Variants in GATAD2A observed in about 807,000 individuals in gnomAD.
The protein encoded by GATAD2A is GATA zinc finger domain containing 2A.
GATAD2A carries 12 observed loss-of-function variants against 68.5 expected under a neutral mutation model. The ratio of observed to expected loss-of-function variants is 0.18; its 90% CI spans 0.11 to 0.28. The LOEUF (loss-of-function observed/expected upper bound fraction) is 0.28, where lower values mean the gene tolerates loss of function less well. GATAD2A is among the 10% of genes least tolerant of loss of function. The pLI, the probability that GATAD2A is intolerant of heterozygous loss-of-function variation, is 1.00. For missense variants in GATAD2A, 755 were observed against 868.5 expected (o/e 0.87, Z 1.64); for synonymous variants, 410 against 375.3 (o/e 1.09, Z -1.07).
Position 19,498,794 on chromosome 19 carries a change from C to T in GATAD2A, c.1204+72C>T, listed in dbSNP as rs139378151. ...AGGGTGCTGCCCCGTGGGTTCTTTC[C>T]AACACACAGCAGAGGCTGGGGCAGG... On this transcript the variant is annotated intron_variant, in intron 8 of 11. Transcript: ENST00000683918. 4.7e-4 allele frequency: 624 copies of T among 1,333,714 alleles called. 8 individuals carry two copies. In the East Asian group the frequency reaches 0.01, roughly 22 times the overall value. The allele number at this position is 1,333,714 out of a possible 1,614,324, so 82.6% of individuals were successfully genotyped here. A position where few individuals can be genotyped will look rare whatever the true frequency, so the allele number is the denominator to read the frequency against.
intron 2 of GATAD2A, among the ~76,000 whole-genome samples, chr19:19,485,253 C>G (rs1161264806): frequency 6.6e-6 from 1 of 152,228 alleles, no homozygotes; most frequent in Non-Finnish European, 1.5e-5. Flanking sequence ...CCCCAGGGGC[C>G]AGCCTGGGCC....
At chr19:19,408,617 T>C (rs956064599) in intron 1 of GATAD2A, among the ~76,000 whole-genome samples, 10 of 152,210 alleles carry the variant, frequency 6.6e-5, no homozygotes, top group Admixed American at 3.3e-4. Flanking sequence ...TTTTGCATCA[T>C]TTATTTTCTG....
intron 2 of GATAD2A, among the ~76,000 whole-genome samples, chr19:19,473,761 C>A (rs1439285268): frequency 6.8e-6 from 1 of 147,896 alleles, no homozygotes; most frequent in Admixed American, 6.8e-5. Context: ...CATGGTGAAA[C>A]CCCGTCTCTA....
chr19:19,447,636 G>A (rs182441627), intron 1 of GATAD2A, among the ~76,000 whole-genome samples: 1 of 152,210 alleles, frequency 6.6e-6, no homozygotes, highest in Non-Finnish European at 1.5e-5. Context: ...ACGGGCTGGG[G>A]CTGCGTTGAG....
intron 2 of GATAD2A, among the ~76,000 whole-genome samples, chr19:19,477,587 A>G (rs1160873969): frequency 6.6e-6 from 1 of 152,138 alleles, no homozygotes; most frequent in East Asian, 1.9e-4. Flanking sequence ...CTGAAGGTAC[A>G]CGGTGGTAGG....
intron 1 of GATAD2A, among the ~76,000 whole-genome samples, chr19:19,437,229 A>C (rs925574892): frequency 6.6e-6 from 1 of 152,174 alleles, no homozygotes; most frequent in Non-Finnish European, 1.5e-5. Context: ...TCCTGGGCTC[A>C]AGCGATCCTC....
chr19:19,453,534 T>G (rs1483618610), intron 1 of GATAD2A, among the ~76,000 whole-genome samples: 1 of 152,050 alleles, frequency 6.6e-6, no homozygotes, highest in Non-Finnish European at 1.5e-5. Context: ...CTTGCTCCGT[T>G]GCCCAGGCTG....
In GATAD2A at chr19:19,465,499, C is replaced by G. The variant is rs547508352; in HGVS notation, c.154C>G (p.Pro52Ala). ...CGGAGACATGAGGGTGACACCTGAG[C>G]CGGGAGCAGGTCCAACCCAAGGATT... ...TDGDMRVTPE[P>A]GAGPTQGLLR... Residue 52 changes from proline (P) to alanine (A), a missense_variant, in exon 2 of 12, where the codon CCG becomes GCG. By Grantham distance (27) the Pro-to-Ala change is conservative. Coordinates refer to ENST00000683918, the MANE Select transcript of GATAD2A (RefSeq NM_001384528.1). The G allele has an allele frequency of 6.2e-7, 1 of 1,614,022 alleles. No individual in the cohort carries two copies. The highest frequency in any genetic ancestry group is 1.1e-5 in the South Asian group (1 of 91,088).
At chr19:19,476,732 G>A (rs969383624) in intron 2 of GATAD2A, among the ~76,000 whole-genome samples, 4 of 152,216 alleles carry the variant, frequency 2.6e-5, no homozygotes, top group African/African-American at 9.6e-5. Flanking sequence ...AGAAACAGAC[G>A]GAGTGGATAC....
intron 7 of GATAD2A, among the ~76,000 whole-genome samples, chr19:19,497,123 CAA>C (rs2060206007): frequency 6.6e-6 from 1 of 152,132 alleles, no homozygotes; most frequent in East Asian, 1.9e-4. Context: ...TATTATGAGA[CAA>C]GAGTCTCCCT....
intron 1 of GATAD2A, among the ~76,000 whole-genome samples, chr19:19,447,770 C>T (rs887267940): frequency 1.3e-5 from 2 of 152,208 alleles, no homozygotes. Context: ...GGCAGGGCCT[C>T]CAGCCCACAG....
chr19:19,440,064 C>CT (rs1341541365), intron 1 of GATAD2A: 3 of 339,034 alleles, frequency 8.8e-6, no homozygotes, highest in Admixed American at 4.0e-5. Context: ...GTGGCTCTGC[C>CT]TACAGGGTGG....
In GATAD2A at chr19:19,477,280, C is replaced by CT. The variant is rs368354539; in HGVS notation, c.269+11668dup. On this transcript the variant is annotated intron_variant, in intron 2 of 11. Coordinates refer to ENST00000683918, the MANE Select transcript of GATAD2A (RefSeq NM_001384528.1). ...CAGATGTTGCTATGTGCCTCCCTTG[C>CT]TTGGGACCTGTGCCATAGGACTGCG... Among the ~76,000 whole-genome samples, 45 of 152,270 alleles carry CT rather than the reference C, an allele frequency of 3.0e-4. 1 individual carries two copies. The East Asian group carries it at 7.7e-3, about 26-fold the overall frequency.
intron 1 of GATAD2A, among the ~76,000 whole-genome samples, chr19:19,387,607 C>A (rs2048535834): frequency 6.6e-6 from 1 of 152,166 alleles, no homozygotes; most frequent in Non-Finnish European, 1.5e-5. Context: ...GTGTGAGCCA[C>A]CGTGCCTGGC....
At chr19:19,464,271 C>T (rs758536597) in intron 1 of GATAD2A, among the ~76,000 whole-genome samples, 4 of 152,218 alleles carry the variant, frequency 2.6e-5, no homozygotes, top group Admixed American at 6.5e-5. Context: ...TGTGACACTT[C>T]GGGAATTCCA....
intron 1 of GATAD2A, among the ~76,000 whole-genome samples, chr19:19,423,196 A>G (rs1457664605): frequency 6.6e-6 from 1 of 152,180 alleles, no homozygotes; most frequent in African/African-American, 2.4e-5. Context: ...TTGTAGAGAC[A>G]GAGTCCCATT....
intron 1 of GATAD2A, among the ~76,000 whole-genome samples, chr19:19,390,197 G>A (rs2048743941): frequency 6.6e-6 from 1 of 152,182 alleles, no homozygotes; most frequent in African/African-American, 2.4e-5. Context: ...ACAAGTGATG[G>A]CACAAAATTG....
chr19:19,460,903 C>T (rs753059640), intron 1 of GATAD2A, among the ~76,000 whole-genome samples: 2 of 152,350 alleles, frequency 1.3e-5, no homozygotes, highest in Non-Finnish European at 1.5e-5. Context: ...CTGTCTCCTT[C>T]AGGGCTGGCT....
chr19:19,414,369 G>A (rs566937727), intron 1 of GATAD2A, among the ~76,000 whole-genome samples: 1 of 152,092 alleles, frequency 6.6e-6, no homozygotes, highest in African/African-American at 2.4e-5. Flanking sequence ...AGGTTGACTT[G>A]CAGAAGGAAT....
Sources: gnomAD v4.1 joint callset for allele counts (sites outside exome capture counted in the v4.1 genomes callset) on GRCh38, gnomAD v4.1.1 for gene constraint, MANE v1.5 for transcripts, NCBI Gene and HGNC (gene_info 2026-07-23, HGNC 2026-07-21) for gene names.